PPIAL4G: variants seen among roughly 807,000 people sequenced by gnomAD.
PPIAL4G encodes peptidyl-prolyl cis-trans isomerase A-like 4G.
Under a neutral mutation model 7.8 loss-of-function variants are expected in PPIAL4G, and 3 were observed. That is an observed-to-expected ratio of 0.39 (90% CI 0.18 to 1.00). The LOEUF is 1.00. Ranked by LOEUF, PPIAL4G falls within the 50% of genes least tolerant of loss-of-function variation. The pLI is 0.37. For synonymous variants in PPIAL4G, 42 were observed against 73.3 expected (o/e 0.57, Z 2.18); for missense variants, 133 against 208.6 (o/e 0.64, Z 2.23).
In PPIAL4G at chr1:148,482,982, T is replaced by G; in HGVS notation, c.271A>C (p.Lys91Gln). Residue 91 changes from lysine to glutamine, a missense_variant, in exon 1 of 1, where the codon AAG becomes CAG. This residue lies in a region of PPIAL4G where 28 missense variants were observed against 101.5 expected (regional missense o/e 0.28). Transcript: ENST00000419275. ...EKFDDENLIR[K>Q]HTGSGILSMA... is the part of the protein sequence containing the mutation. Reference sequence around the variant, plus strand: ...GACAAGATGCCAGAACCTGTATGCTTTCGGATGAGGTTCTCATCATCAAAT... The same window carrying G: ...GACAAGATGCCAGAACCTGTATGCTGTCGGATGAGGTTCTCATCATCAAAT... 2 of 1,611,970 alleles carry G rather than the reference T, an allele frequency of 1.2e-6. No individual in the cohort carries two copies. Among genetic ancestry groups the G allele is most frequent in the Admixed American group, 3.3e-5 (2 of 59,958 alleles).
In PPIAL4G at chr1:148,482,672, T is replaced by C. The variant is rs1282748216; in HGVS notation, c.*86A>G. On this transcript the variant is annotated 3_prime_UTR_variant, in exon 1 of 1. Coordinates refer to ENST00000419275, the MANE Select transcript of PPIAL4G (RefSeq NM_001123068.3). ...GCAAGAGCACAAAGATTCTAGGATA[T>C]TGCAAGCAAATGTGGTGGAGGGGTG... 1 of 806,796 alleles carries C rather than the reference T, an allele frequency of 1.2e-6. No individual in the cohort carries two copies. The highest frequency in any genetic ancestry group is 1.9e-6 in the Non-Finnish European group (1 of 515,734). The allele number at this position is 806,796 out of a possible 1,614,324, so 50.0% of individuals were successfully genotyped here.
Position 148,483,181 on chromosome 1 carries a change from CTGTT to C in PPIAL4G, c.68_71del (p.Lys23SerfsTer16). 3 of 1,613,918 alleles carry C rather than the reference CTGTT, an allele frequency of 1.9e-6. No homozygotes were observed. The highest frequency in any genetic ancestry group is 2.2e-5 in the South Asian group (2 of 91,074). ...CTGTCTTTGGAATCTTGTCTGCAAA[CTGTT>C]TGATGGAGATGCGGCCCAAGGGCTT... On this transcript the variant is annotated frameshift_variant, in exon 1 of 1. Coordinates refer to ENST00000419275, the MANE Select transcript of PPIAL4G (RefSeq NM_001123068.3). LOFTEE classifies it high-confidence loss of function.
Position 148,483,044 on chromosome 1 carries a change from G to A in PPIAL4G, c.209C>T (p.Pro70Leu), listed in dbSNP as rs372484895. The change falls in exon 1 of 1, where the codon CCT becomes CTT. Residue 70 changes from proline (P) to leucine (L), a missense_variant. Around this residue, in one of 2 missense-constraint regions of PPIAL4G, gnomAD observed 105 missense variants for 107.1 expected, o/e 0.98. Coordinates refer to ENST00000419275, the MANE Select transcript of PPIAL4G (RefSeq NM_001123068.3). ...GATGGACTTGTCACCGGTGCCATTA[G>A]GGTGTGTGAAGTCACCACCCTGACA... ...FMCQGGDFTH[P>L]NGTGDKSIYG... is the part of the protein sequence containing the mutation. 3.1e-6 allele frequency: 5 copies of A among 1,613,324 alleles called. No homozygotes were observed. Among genetic ancestry groups the A allele is most frequent in the East Asian group, 4.5e-5 (2 of 44,880 alleles).
chr1:148,483,187 G>A lies in PPIAL4G; in HGVS notation c.66C>T (p.Ile22=). The part of the protein sequence containing the change: ...VDGKPLGRIS[I]KQFADKIPKT... ...TTGGAATCTTGTCTGCAAACTGTTT[G>A]ATGGAGATGCGGCCCAAGGGCTTGC... The change falls in exon 1 of 1, where the codon ATC becomes ATT. Residue 22 remains isoleucine, a synonymous_variant. Transcript: ENST00000419275. 1 of 1,613,928 alleles carries A rather than the reference G, an allele frequency of 6.2e-7. No individual in the cohort carries two copies. The highest frequency in any genetic ancestry group is 8.5e-7 in the Non-Finnish European group (1 of 1,179,886).
chr1:148,483,235 G>T lies in PPIAL4G; in HGVS notation c.18C>A (p.Ile6=). Residue 6 remains isoleucine (I), a synonymous_variant, in exon 1 of 1, where the codon ATC becomes ATA. Transcript: ENST00000419275. MVNSV[I]FFDITVDGKP... ...TGCCGTCGACGGTGATGTCAAAAAA[G>T]ATGACGGAGTTGACCATGGCTGATA... is the stretch of plus-strand genomic sequence containing the variant. 6.2e-7 allele frequency: 1 copy of T among 1,613,740 alleles called. No homozygotes were observed. Among genetic ancestry groups the T allele is most frequent in the Middle Eastern group, 1.7e-4 (1 of 5,834 alleles).
rs782288175 is a variant in PPIAL4G, at chr1:148,482,903, G to A, written c.350C>T (p.Ala117Val). 3 of 1,607,574 alleles carry A rather than the reference G, an allele frequency of 1.9e-6. No individual in the cohort carries two copies. Among genetic ancestry groups the A allele is most frequent in the South Asian group, 1.1e-5 (1 of 90,806 alleles). ...TNGSQFFICT[A>V]KTEWLDGKHV... ...CTTGCCATCCAACCACTCAGTCTTG[G>A]CAGTGCAGATGAAAAACTGGGAACC... The change falls in exon 1 of 1, where the codon GCC (alanine) becomes GTC (valine). Residue 117 changes from alanine to valine, a missense_variant. Coordinates refer to ENST00000419275, the MANE Select transcript of PPIAL4G (RefSeq NM_001123068.3).
At position 148,482,668 on chromosome 1, in the gene PPIAL4G, G is replaced by C; in HGVS notation, c.*90C>G. 1 of 812,084 alleles carries C rather than the reference G, an allele frequency of 1.2e-6. No homozygotes were observed. The highest frequency in any genetic ancestry group is 1.7e-5 in the South Asian group (1 of 58,390). The allele number at this position is 812,084 out of a possible 1,614,324, so 50.3% of individuals were successfully genotyped here. ...TGCAGCAAGAGCACAAAGATTCTAG[G>C]ATATTGCAAGCAAATGTGGTGGAGG... On this transcript the variant is annotated 3_prime_UTR_variant, in exon 1 of 1. Coordinates refer to ENST00000419275, the MANE Select transcript of PPIAL4G (RefSeq NM_001123068.3).
rs1459728192 is a variant in PPIAL4G at position 148,482,560 on chromosome 1, T to C, written c.*198A>G. 216 of 1,057,172 alleles carry C rather than the reference T, an allele frequency of 2.0e-4. No individual in the cohort carries two copies. The African/African-American group carries it at 3.2e-3, about 15-fold the overall frequency. 65.5% of individuals were successfully genotyped at this position (1,057,172 alleles called of 1,614,324 possible). A position where few individuals can be genotyped will look rare whatever the true frequency, so the allele number is the denominator to read the frequency against. ...TTTGTTGTTGTTGTTGTTACTTAGT[T>C]TTTATTTCATAATCATAAACTTAAC... On this transcript the variant is annotated 3_prime_UTR_variant, in exon 1 of 1. Transcript: ENST00000419275.
rs1570824622 is a variant in PPIAL4G at position 148,483,027 on chromosome 1, T to C, written c.226A>G (p.Lys76Glu). The C allele has an allele frequency of 2.5e-6, 4 of 1,613,072 alleles. No individual in the cohort carries two copies. In the East Asian group the frequency reaches 8.9e-5, roughly 36 times the overall value. Reference sequence around the variant, plus strand: ...TCAAATTTCTCCCCATAGATGGACTTGTCACCGGTGCCATTAGGGTGTGTG... The same window carrying C: ...TCAAATTTCTCCCCATAGATGGACTCGTCACCGGTGCCATTAGGGTGTGTG... The part of the protein sequence containing the change: ...DFTHPNGTGD[K>E]SIYGEKFDDE... Residue 76 changes from lysine to glutamate, a missense_variant, in exon 1 of 1, where the codon AAG (lysine) becomes GAG (glutamate). Physicochemically the swap from Lys to Glu is moderately conservative, Grantham distance 56 (BLOSUM62 1). Around this residue, in one of 2 missense-constraint regions of PPIAL4G, gnomAD observed 105 missense variants for 107.1 expected, o/e 0.98. Coordinates refer to ENST00000419275, the MANE Select transcript of PPIAL4G (RefSeq NM_001123068.3).
chr1:148,483,160 C>A lies in PPIAL4G; in HGVS notation c.93G>T (p.Lys31Asn), dbSNP rs1293331457. The change falls in exon 1 of 1, where the codon AAG becomes AAT. Residue 31 changes from lysine (K) to asparagine (N), a missense_variant. Coordinates refer to ENST00000419275, the MANE Select transcript of PPIAL4G (RefSeq NM_001123068.3). ...SIKQFADKIP[K>N]TAENFRALST... ...TCAGAGCACGAAAGTTTTCTGCTGT[C>A]TTTGGAATCTTGTCTGCAAACTGTT... 7.4e-4 allele frequency: 1,197 copies of A among 1,613,864 alleles called. 8 individuals are homozygous for A. In the African/African-American group the frequency reaches 0.014, roughly 19 times the overall value.
chr1:148,483,256 T>A lies in PPIAL4G; in HGVS notation c.-4A>T. Reference sequence around the variant, plus strand: ...AAAAGATGACGGAGTTGACCATGGCTGATAGTACAGGGCTCACAGCGATGG... The same window carrying A: ...AAAAGATGACGGAGTTGACCATGGCAGATAGTACAGGGCTCACAGCGATGG... On this transcript the variant is annotated 5_prime_UTR_variant, in exon 1 of 1. Transcript: ENST00000419275. 1.2e-6 allele frequency: 2 copies of A among 1,613,628 alleles called. No individual in the cohort carries two copies. The highest frequency in any genetic ancestry group is 1.7e-6 in the Non-Finnish European group (2 of 1,179,904).
At position 148,482,968 on chromosome 1, in the gene PPIAL4G, A is replaced by G. The variant is rs1225234705; in HGVS notation, c.285T>C (p.Ser95=). 1.9e-6 allele frequency: 3 copies of G among 1,611,878 alleles called. No homozygotes were observed. Among genetic ancestry groups the G allele is most frequent in the Admixed American group, 1.7e-5 (1 of 59,962 alleles). ...DENLIRKHTG[S]GILSMANAGP... Reference sequence around the variant, plus strand: ...CAGCATTTGCCATGGACAAGATGCCAGAACCTGTATGCTTTCGGATGAGGT... The same window carrying G: ...CAGCATTTGCCATGGACAAGATGCCGGAACCTGTATGCTTTCGGATGAGGT... The change falls in exon 1 of 1, where the codon TCT becomes TCC. Residue 95 remains serine, a synonymous_variant. Transcript: ENST00000419275.
Position 148,483,217 on chromosome 1 carries a change from G to T in PPIAL4G, c.36C>A (p.Val12=), listed in dbSNP as rs1553321605. 1 of 1,613,800 alleles carries T rather than the reference G, an allele frequency of 6.2e-7. No homozygotes were observed. The highest frequency in any genetic ancestry group is 8.5e-7 in the Non-Finnish European group (1 of 1,179,876). The change falls in exon 1 of 1, where the codon GTC becomes GTA. Residue 12 remains valine, a synonymous_variant. Transcript: ENST00000419275. ...VNSVIFFDIT[V]DGKPLGRISI... is the part of the protein sequence containing the mutation. ...AGATGCGGCCCAAGGGCTTGCCGTCGACGGTGATGTCAAAAAAGATGACGG... is the reference window on the plus strand; with the variant it reads ...AGATGCGGCCCAAGGGCTTGCCGTCTACGGTGATGTCAAAAAAGATGACGG...
chr1:148,483,294 A>T lies in PPIAL4G; in HGVS notation c.-42T>A. 3 of 1,612,732 alleles carry T rather than the reference A, an allele frequency of 1.9e-6. No individual in the cohort carries two copies. The highest frequency in any genetic ancestry group is 2.5e-6 in the Non-Finnish European group (3 of 1,179,866). On this transcript the variant is annotated 5_prime_UTR_variant, in exon 1 of 1. Transcript: ENST00000419275. ...CTCACAGCGATGGCGGCGTCTGCAA[A>T]GATAACCACTGATCTTTTTACTGTC...
rs1380036846 is a variant in PPIAL4G at position 148,482,992 on chromosome 1, G to C, written c.261C>G (p.Asn87Lys). The C allele has an allele frequency of 6.2e-7, 1 of 1,612,128 alleles. No homozygotes were observed. Among genetic ancestry groups the C allele is most frequent in the Admixed American group, 1.7e-5 (1 of 59,946 alleles). ...SIYGEKFDDE[N>K]LIRKHTGSGI... ...CAGAACCTGTATGCTTTCGGATGAG[G>C]TTCTCATCATCAAATTTCTCCCCAT... The change falls in exon 1 of 1, where the codon AAC becomes AAG. Residue 87 changes from asparagine to lysine, a missense_variant. Around this residue, in one of 2 missense-constraint regions of PPIAL4G, gnomAD observed 28 missense variants for 101.5 expected, o/e 0.28. Coordinates refer to ENST00000419275, the MANE Select transcript of PPIAL4G (RefSeq NM_001123068.3).
At position 148,482,628 on chromosome 1, in the gene PPIAL4G, G is replaced by A; in HGVS notation, c.*130C>T. ...CATGGAAGGGAACAAGGAAAACATG[G>A]AACCCAAAGGGAACTGCAGCAAGAG... is the stretch of plus-strand genomic sequence containing the variant. On this transcript the variant is annotated 3_prime_UTR_variant, in exon 1 of 1. Transcript: ENST00000419275. 1.9e-6 allele frequency: 2 copies of A among 1,071,328 alleles called. No homozygotes were observed. The highest frequency in any genetic ancestry group is 2.7e-6 in the Non-Finnish European group (2 of 749,736). 66.4% of individuals were successfully genotyped at this position (1,071,328 alleles called of 1,614,324 possible).
rs1651933480 is a variant in PPIAL4G at position 148,483,194 on chromosome 1, A to G, written c.59T>C (p.Ile20Thr). Residue 20 changes from isoleucine (I) to threonine (T), a missense_variant, in exon 1 of 1, where the codon ATC (isoleucine) becomes ACC (threonine). Physicochemically the swap from Ile to Thr is moderately conservative, Grantham distance 89. Transcript: ENST00000419275. ...CTTGTCTGCAAACTGTTTGATGGAG[A>G]TGCGGCCCAAGGGCTTGCCGTCGAC... is the stretch of plus-strand genomic sequence containing the variant. ...ITVDGKPLGR[I>T]SIKQFADKIP... 6.2e-7 allele frequency: 1 copy of G among 1,613,792 alleles called. No individual in the cohort carries two copies. The highest frequency in any genetic ancestry group is 8.5e-7 in the Non-Finnish European group (1 of 1,179,882).
chr1:148,482,604 A>G lies in PPIAL4G; in HGVS notation c.*154T>C, dbSNP rs1317644301. ...ACTTAACTCTGCAATCCAGCTAGGCATGGAAGGGAACAAGGAAAACATGGA... is the reference window on the plus strand; with the variant it reads ...ACTTAACTCTGCAATCCAGCTAGGCGTGGAAGGGAACAAGGAAAACATGGA... On this transcript the variant is annotated 3_prime_UTR_variant, in exon 1 of 1. Transcript: ENST00000419275. 1.3e-5 allele frequency: 16 copies of G among 1,266,586 alleles called. No homozygotes were observed. The highest frequency in any genetic ancestry group is 1.6e-5 in the Non-Finnish European group (15 of 924,798). The allele number at this position is 1,266,586 out of a possible 1,614,324, so 78.5% of individuals were successfully genotyped here. A position where few individuals can be genotyped will look rare whatever the true frequency, so the allele number is the denominator to read the frequency against.
At position 148,483,220 on chromosome 1, in the gene PPIAL4G, G is replaced by T. The variant is rs1465142768; in HGVS notation, c.33C>A (p.Thr11=). 6.2e-7 allele frequency: 1 copy of T among 1,613,756 alleles called. No homozygotes were observed. The highest frequency in any genetic ancestry group is 8.5e-7 in the Non-Finnish European group (1 of 1,179,866). The change falls in exon 1 of 1, where the codon ACC becomes ACA. Residue 11 remains threonine, a synonymous_variant. Coordinates refer to ENST00000419275, the MANE Select transcript of PPIAL4G (RefSeq NM_001123068.3). The stretch of plus-strand genomic sequence containing the variant: ...TGCGGCCCAAGGGCTTGCCGTCGAC[G>T]GTGATGTCAAAAAAGATGACGGAGT... The part of the protein sequence containing the change: MVNSVIFFDI[T]VDGKPLGRIS...
Sources: gnomAD v4.1 joint callset for allele counts on GRCh38, gnomAD v4.1.1 for gene constraint, gnomAD v4.1.1 regional missense constraint, MANE v1.5 for transcripts, NCBI Gene and HGNC (gene_info 2026-07-23, HGNC 2026-07-21) for gene names.